RBFOX1: variants seen among roughly 807,000 people sequenced by gnomAD.
The protein encoded by RBFOX1 is RNA binding fox-1 homolog 1.
A neutral mutation model predicts 57.7 loss-of-function variants in RBFOX1; 8 were observed. The ratio of observed to expected loss-of-function variants is 0.14; its 90% CI spans 0.08 to 0.25. The LOEUF is 0.25. Among genes scored for constraint, RBFOX1 ranks in the 10% least tolerant of loss-of-function variants. The probability of loss-of-function intolerance (pLI) is 1.00; values close to 1 mark genes in which losing one functional copy is unlikely to be tolerated. For missense variants in RBFOX1, 611 were observed against 548.5 expected (o/e 1.11, Z -1.14); for synonymous variants, 326 against 222.4 (o/e 1.47, Z -4.15).
chr16:7,607,271 G>A lies in RBFOX1; in HGVS notation c.623-14G>A, dbSNP rs1253108507. ...TCAAATGTGATAATAATGTTTTTGT[G>A]TATTTGTTTTAAGGCTGGAAATTGA... On this transcript the variant is annotated splice_polypyrimidine_tract_variant and intron_variant, in intron 9 of 15. Transcript: ENST00000550418. 6.2e-6 allele frequency: 10 copies of A among 1,603,744 alleles called. No homozygotes were observed. The highest frequency in any genetic ancestry group is 8.5e-6 in the Non-Finnish European group (10 of 1,176,186).
intron 4 of RBFOX1, among the ~76,000 whole-genome samples, chr16:5,987,210 C>G (rs910285256): frequency 5.9e-5 from 9 of 152,140 alleles, no homozygotes; most frequent in African/African-American, 2.2e-4. Flanking sequence ...TGCCTCCTGT[C>G]TAATTGGATT....
At chr16:7,673,167 C>T (rs530027804) in intron 13 of RBFOX1, among the ~76,000 whole-genome samples, 1 of 152,098 alleles carries the variant, frequency 6.6e-6, no homozygotes, top group African/African-American at 2.4e-5. Flanking sequence ...CAGGTTTCCC[C>T]TCCCCTATTT....
chr16:5,676,001 G>C (rs951828682), intron 3 of RBFOX1, among the ~76,000 whole-genome samples: 8 of 152,074 alleles, frequency 5.3e-5, no homozygotes, highest in Non-Finnish European at 1.2e-4. Flanking sequence ...AGAAGGCATC[G>C]CATGTTCTCA....
chr16:6,946,206 A>G (rs1396722892), intron 3 of RBFOX1, among the ~76,000 whole-genome samples: 2 of 152,224 alleles, frequency 1.3e-5, no homozygotes, highest in African/African-American at 4.8e-5. Context: ...AGAATATTTT[A>G]GGATTTGGGT....
At chr16:6,433,940 C>T (rs1051265507) in intron 2 of RBFOX1, among the ~76,000 whole-genome samples, 6 of 151,572 alleles carry the variant, frequency 4.0e-5, no homozygotes, top group Admixed American at 6.6e-5. Flanking sequence ...CTCCACCTCC[C>T]GGGTTCAAGC....
chr16:6,801,443 A>G (rs2085423755), intron 3 of RBFOX1, among the ~76,000 whole-genome samples: 1 of 152,172 alleles, frequency 6.6e-6, no homozygotes, highest in Non-Finnish European at 1.5e-5. Flanking sequence ...CAAAACGGGC[A>G]CATGTGTAGC....
intron 3 of RBFOX1, among the ~76,000 whole-genome samples, chr16:6,676,602 A>G (rs1407130027): frequency 1.3e-5 from 2 of 152,046 alleles, no homozygotes; most frequent in African/African-American, 4.8e-5. Flanking sequence ...GCTCGGAAAA[A>G]AGGATACCAG....
chr16:7,345,679 G>T (rs1393811878), intron 4 of RBFOX1, among the ~76,000 whole-genome samples: 1 of 152,160 alleles, frequency 6.6e-6, no homozygotes, highest in African/African-American at 2.4e-5. Context: ...GCCGGTGATG[G>T]AGCCGTCTGG....
At position 6,157,963 on chromosome 16, in the gene RBFOX1, A is replaced by G. The variant is rs78548322; in HGVS notation, c.-127+137971A>G. ...TATGTTGATTCCTAAACTAATTACT[A>G]TGAGCAGAAAGATGAGATATACTAA... On this transcript the variant is annotated intron_variant, in intron 1 of 15. Coordinates refer to ENST00000550418, the MANE Select transcript of RBFOX1 (RefSeq NM_018723.4). Among the ~76,000 whole-genome samples, 278 of 152,346 alleles carry G rather than the reference A, an allele frequency of 1.8e-3. 1 individual carries two copies. Among genetic ancestry groups the G allele is most frequent in the Non-Finnish European group, 2.4e-3 (162 of 68,034 alleles).
intron 4 of RBFOX1, chr16:7,431,085 C>G (rs1267816801): frequency 6.6e-6 from 1 of 152,184 alleles, no homozygotes; most frequent in African/African-American, 2.4e-5. Context: ...CCAGCTTTTC[C>G]ATAACAACAA....
chr16:6,650,183 A>T (rs2098572746), intron 2 of RBFOX1, among the ~76,000 whole-genome samples: 1 of 152,162 alleles, frequency 6.6e-6, no homozygotes, highest in Non-Finnish European at 1.5e-5. Flanking sequence ...TGCCTTTTTA[A>T]CAGCAGCTGA....
At chr16:7,617,651 T>C (rs1193651529) in intron 10 of RBFOX1, among the ~76,000 whole-genome samples, 3 of 152,214 alleles carry the variant, frequency 2.0e-5, no homozygotes, top group Non-Finnish European at 4.4e-5. Context: ...TTAATCCTTG[T>C]TTCCATGAAT....
rs943756206 is a variant in RBFOX1, at chr16:6,757,602, C to T, written c.-16+102952C>T. On this transcript the variant is annotated intron_variant, in intron 3 of 15. Transcript: ENST00000550418. Reference sequence around the variant, plus strand: ...ATATGTGGGAGCTAAAAAAGTTGATCTCTGGAGGATAGAGAGTAGAATGGT... The same window carrying T: ...ATATGTGGGAGCTAAAAAAGTTGATTTCTGGAGGATAGAGAGTAGAATGGT... Among the ~76,000 whole-genome samples, 9 of 152,106 alleles carry T rather than the reference C, an allele frequency of 5.9e-5. No homozygotes were observed. In the South Asian group the frequency reaches 1.2e-3, roughly 21 times the overall value.
At position 7,420,936 on chromosome 16, in the gene RBFOX1, TATACACACACACAC is replaced by T. The variant is rs1568794636; in HGVS notation, c.28-97209_28-97196del. ...ACATATATATATATACACATATATATATACACACACACACACACACACACATATATATATATATG... is the reference window on the plus strand; with the variant it reads ...ACATATATATATATACACATATATATACACACACACATATATATATATATG... On this transcript the variant is annotated intron_variant, in intron 4 of 15. Coordinates refer to ENST00000550418, the MANE Select transcript of RBFOX1 (RefSeq NM_018723.4). 3.5e-5 allele frequency among the ~76,000 whole-genome samples: 5 copies of T among 144,304 alleles called. No homozygotes were observed. In the South Asian group the frequency reaches 8.6e-4, roughly 25 times the overall value. 94.7% of individuals were successfully genotyped at this position (144,304 alleles called of 152,430 possible).
At chr16:6,210,321 A>C (rs1287620312) in intron 1 of RBFOX1, among the ~76,000 whole-genome samples, 4 of 139,164 alleles carry the variant, frequency 2.9e-5, no homozygotes, top group African/African-American at 7.7e-5. Flanking sequence ...CTGTCTGAAA[A>C]AAAAAAACAA....
chr16:5,393,799 C>G (rs925969148), intron 1 of RBFOX1, among the ~76,000 whole-genome samples: 4 of 152,166 alleles, frequency 2.6e-5, no homozygotes, highest in African/African-American at 9.7e-5. Context: ...GCTGTCCAAC[C>G]ATCACCACCA....
intron 1 of RBFOX1, among the ~76,000 whole-genome samples, chr16:6,085,173 A>T (rs943401886): frequency 6.6e-6 from 1 of 152,150 alleles, no homozygotes; most frequent in Non-Finnish European, 1.5e-5. Flanking sequence ...TTGCAGATCC[A>T]GACCTCTCCT....
chr16:6,707,217 C>G (rs985467305), intron 3 of RBFOX1, among the ~76,000 whole-genome samples: 2 of 152,106 alleles, frequency 1.3e-5, no homozygotes, highest in African/African-American at 2.4e-5. Context: ...GATTTTGAAC[C>G]AGATCAATAC....
chr16:6,529,076 A>T (rs2096620665), intron 2 of RBFOX1, among the ~76,000 whole-genome samples: 1 of 152,166 alleles, frequency 6.6e-6, no homozygotes, highest in African/African-American at 2.4e-5. Context: ...ACTTCTTGTA[A>T]ACCGCCCCCA....
Sources: gnomAD v4.1 joint callset for allele counts (sites outside exome capture counted in the v4.1 genomes callset) on GRCh38, gnomAD v4.1.1 for gene constraint, MANE v1.5 for transcripts, NCBI Gene and HGNC (gene_info 2026-07-23, HGNC 2026-07-21) for gene names.